CRB1: variants seen among roughly 807,000 people sequenced by gnomAD.
CRB1 encodes the protein protein crumbs homolog 1.
CRB1 carries 83 observed loss-of-function variants against 120.0 expected under a neutral mutation model. The observed-to-expected ratio is 0.69, with a 90% CI of 0.58 to 0.83. CRB1 has a LOEUF of 0.83. Ranked by LOEUF, CRB1 falls within the 40% of genes least tolerant of loss-of-function variation. The probability of loss-of-function intolerance (pLI) is 0.00; values close to 1 mark genes in which losing one functional copy is unlikely to be tolerated. For missense variants in CRB1, 1,699 were observed against 1,687.6 expected, an observed-to-expected ratio of 1.01 and a Z score of -0.12; for synonymous variants, 625 against 612.5, an observed-to-expected ratio of 1.02 and a Z score of -0.30.
Position 197,356,844 on chromosome 1 carries a change from C to T in CRB1, c.1002C>T (p.Ala334=), listed in dbSNP as rs1228351775. The change falls in exon 5 of 12, where the codon GCC becomes GCT. Residue 334 remains alanine, a synonymous_variant. Transcript: ENST00000367400. ...TTCATCATGCAGGATACACAGGTGC[C>T]CAGTGTGAGATCGACCTCAATGAAT... ...TCHCWPGYTG[A]QCEIDLNECN... The T allele has an allele frequency of 6.2e-7, 1 of 1,614,012 alleles. No individual in the cohort carries two copies. The highest frequency in any genetic ancestry group is 1.3e-5 in the African/African-American group (1 of 74,902).
At chr1:197,231,267 G>T in the CRB1 span, among the ~76,000 whole-genome samples, 1 of 152,060 alleles carries the variant, frequency 6.6e-6, no homozygotes, top group African/African-American at 2.4e-5. Flanking sequence ...TTTTAGGGTT[G>T]CCCAGTGCAA....
chr1:197,212,978 C>A, the CRB1 span, among the ~76,000 whole-genome samples: 1 of 152,096 alleles, frequency 6.6e-6, no homozygotes, highest in Non-Finnish European at 1.5e-5. Context: ...AACTTCTCAA[C>A]AGATCTAGAT....
chr1:197,203,170 T>C, the CRB1 span, among the ~76,000 whole-genome samples: 2 of 152,188 alleles, frequency 1.3e-5, no homozygotes, highest in Non-Finnish European at 2.9e-5. Flanking sequence ...ACATGATTTT[T>C]TAAAAATCTC....
Position 197,442,253 on chromosome 1 carries a change from C to T in CRB1, c.3966C>T (p.Leu1322=). The T allele has an allele frequency of 6.2e-7, 1 of 1,614,164 alleles. No individual in the cohort carries two copies. Among genetic ancestry groups the T allele is most frequent in the East Asian group, 2.2e-5 (1 of 44,872 alleles). ...ACTTACTCAACAAATTCCAGTGCCTCTGTGATGTTGCCTTTGCTGGCGAGC... is the reference window on the plus strand; with the variant it reads ...ACTTACTCAACAAATTCCAGTGCCTTTGTGATGTTGCCTTTGCTGGCGAGC... ...CQDLLNKFQC[L]CDVAFAGERC... Residue 1322 remains leucine (L), a synonymous_variant, in exon 11 of 12, where the codon CTC becomes CTT. Transcript: ENST00000367400.
intron 1 of CRB1, among the ~76,000 whole-genome samples, chr1:197,271,640 A>T (rs1418368432): frequency 1.3e-5 from 2 of 152,218 alleles, no homozygotes; most frequent in African/African-American, 4.8e-5. Context: ...CTGATGTATT[A>T]AAAGAGAAAC....
At chr1:197,331,502 G>T (rs990942021) in intron 2 of CRB1, among the ~76,000 whole-genome samples, 1 of 152,014 alleles carries the variant, frequency 6.6e-6, no homozygotes, top group African/African-American at 2.4e-5. Context: ...GCCATACTGA[G>T]GTGTCTCTTT....
intron 6 of CRB1, among the ~76,000 whole-genome samples, chr1:197,425,358 C>T (rs1406658103): frequency 6.6e-6 from 1 of 152,134 alleles, no homozygotes; most frequent in Non-Finnish European, 1.5e-5. Flanking sequence ...GAAAATATAG[C>T]CTTTTATGCA....
chr1:197,443,370 A>G lies in CRB1; in HGVS notation c.4005+1078A>G, dbSNP rs868420410. On this transcript the variant is annotated intron_variant, in intron 11 of 11. Coordinates refer to ENST00000367400, the MANE Select transcript of CRB1 (RefSeq NM_201253.3). ...ATAAAACTGTCTCTCTAACAAAGTT[A>G]CAAATAATCCTTTCTCTATTTCCTT... 20 of 152,130 alleles carry G rather than the reference A, an allele frequency of 1.3e-4. No homozygotes were observed. The Middle Eastern group carries it at 0.01, about 80-fold the overall frequency. The allele number at this position is 152,130 out of a possible 1,614,324, so 9.4% of individuals were successfully genotyped here.
At chr1:197,419,991 AAAAAAAAACAAAC>A (rs1664212360) in intron 5 of CRB1, among the ~76,000 whole-genome samples, 3 of 77,016 alleles carry the variant, frequency 3.9e-5, no homozygotes, top group Non-Finnish European at 1.2e-4. Flanking sequence ...AAAAACGAAA[AAAAAAAAACAAAC>A]AAAAAAAACT....
At chr1:197,360,932 T>C (rs1024789255) in intron 5 of CRB1, among the ~76,000 whole-genome samples, 1 of 152,258 alleles carries the variant, frequency 6.6e-6, no homozygotes, top group Non-Finnish European at 1.5e-5. Flanking sequence ...AAGTAGTTCC[T>C]CTCTACTCCT....
At chr1:197,267,146 T>C (rs1052644587), upstream of CRB1, among the ~76,000 whole-genome samples, 3 of 152,164 alleles carry the variant, frequency 2.0e-5, no homozygotes, top group South Asian at 2.1e-4. Context: ...AATTCTCCAA[T>C]TGACAAAACA....
At chr1:197,458,531 G>A (rs899815529) in intron 11 of CRB1, among the ~76,000 whole-genome samples, 3 of 152,044 alleles carry the variant, frequency 2.0e-5, no homozygotes, top group African/African-American at 7.2e-5. Context: ...GCTCCCCACA[G>A]GATAAGCTGA....
At chr1:197,264,261 A>T (rs1411687044), upstream of CRB1, among the ~76,000 whole-genome samples, 1 of 152,214 alleles carries the variant, frequency 6.6e-6, no homozygotes, top group African/African-American at 2.4e-5. Context: ...TTCCCTTCAG[A>T]TAATAGCCTC....
At chr1:197,303,979 C>T (rs1164649521) in intron 1 of CRB1, among the ~76,000 whole-genome samples, 6 of 151,842 alleles carry the variant, frequency 4.0e-5, no homozygotes, top group East Asian at 1.9e-4. Context: ...CAGAGAGAGA[C>T]GCCATCTCTT....
intron 1 of CRB1, among the ~76,000 whole-genome samples, chr1:197,323,174 G>A (rs1475837810): frequency 1.3e-5 from 2 of 152,090 alleles, no homozygotes; most frequent in Admixed American, 6.6e-5. Context: ...ACTAGAGTTC[G>A]AAGGGCTGTT....
intron 1 of CRB1, among the ~76,000 whole-genome samples, chr1:197,311,093 T>A (rs1657491723): frequency 6.6e-6 from 1 of 152,222 alleles, no homozygotes; most frequent in African/African-American, 2.4e-5. Flanking sequence ...ACTTCTAAAG[T>A]TGTTGCTTGC....
chr1:197,263,308 G>T (rs1654555936), upstream of CRB1, among the ~76,000 whole-genome samples: 1 of 152,102 alleles, frequency 6.6e-6, no homozygotes, highest in African/African-American at 2.4e-5. Flanking sequence ...TTACATGTTT[G>T]TTGGCTGCTT....
intron 5 of CRB1, among the ~76,000 whole-genome samples, chr1:197,359,129 A>G (rs2125358595): frequency 6.6e-6 from 1 of 152,322 alleles, no homozygotes; most frequent in East Asian, 1.9e-4. Context: ...CAATAGTACC[A>G]TGTTGCAAAA....
At chr1:197,400,525 A>G (rs539684330) in intron 5 of CRB1, among the ~76,000 whole-genome samples, 9 of 151,588 alleles carry the variant, frequency 5.9e-5, no homozygotes, top group Admixed American at 3.9e-4. Context: ...GACACATTTT[A>G]AAAACAGAAA....
Sources: allele counts gnomAD v4.1 joint callset (sites outside exome capture counted in the v4.1 genomes callset), GRCh38; gene constraint gnomAD v4.1.1; transcripts MANE v1.5; gene names NCBI Gene and HGNC (gene_info 2026-07-23, HGNC 2026-07-21).